Variants in CREBBP observed in about 807,000 individuals in gnomAD.
CREBBP encodes CREB-binding protein.
CREBBP carries 19 observed loss-of-function variants against 265.0 expected under a neutral mutation model. The ratio of observed to expected loss-of-function variants is 0.07; its 90% confidence interval spans 0.05 to 0.11. The LOEUF is 0.11. Ranked by LOEUF, CREBBP falls within the 10% of genes least tolerant of loss-of-function variation. The pLI is 1.00. For synonymous variants in CREBBP, 1,457 were observed against 1,223.7 expected (o/e 1.19, Z -3.98); for missense variants, 2,525 against 3,219.0 (o/e 0.78, Z 5.22).
chr16:3,827,623 C>T (rs1057291799), intron 2 of CREBBP, among the ~76,000 whole-genome samples: 1 of 152,158 alleles, frequency 6.6e-6, no homozygotes, highest in African/African-American at 2.4e-5. Flanking sequence ...GATCTCCTGA[C>T]CTCGTGATCC....
chr16:3,769,089 C>A, intron 15 of CREBBP, 85 bp downstream of exon 15: 2 of 1,470,982 alleles, frequency 1.4e-6, no homozygotes, highest in Non-Finnish European at 1.9e-6. Context: ...TCAGGGATAC[C>A]CATGGCAGGC....
At chr16:3,793,364 G>C (rs375213104) in intron 4 of CREBBP, 22 bp downstream of exon 4, 69 of 1,613,506 alleles carry the variant, frequency 4.3e-5, no homozygotes, top group Non-Finnish European at 5.1e-6. Context: ...CTACCACTAG[G>C]AGTTCCAAAA....
At position 3,725,425 on chromosome 16, in the gene CREBBP, G is replaced by A. The variant is rs539938276; in HGVS notation, c.*2293C>T. ...GGAGGGCGCCACTTTCTGAGTGTGG[G>A]CTTAGAGCTGCTGCTCTCGGGCTCT... On this transcript the variant is annotated 3_prime_UTR_variant, in exon 31 of 31. Transcript: ENST00000262367. 7 of 233,270 alleles carry A rather than the reference G, an allele frequency of 3.0e-5. No individual in the cohort carries two copies. The South Asian group carries it at 1.3e-3, about 42-fold the overall frequency. 14.5% of individuals were successfully genotyped at this position (233,270 alleles called of 1,614,324 possible). A position where few individuals can be genotyped will look rare whatever the true frequency, so the allele number is the denominator to read the frequency against.
chr16:3,787,938 A>G (rs1023107821), intron 5 of CREBBP, among the ~76,000 whole-genome samples: 2 of 152,192 alleles, frequency 1.3e-5, no homozygotes, highest in Non-Finnish European at 2.9e-5. Flanking sequence ...TCAGCCTCCC[A>G]AAGTGCAAGG....
intron 16 of CREBBP, among the ~76,000 whole-genome samples, chr16:3,759,689 G>A (rs1440140860): frequency 6.6e-6 from 1 of 152,138 alleles, no homozygotes; most frequent in Non-Finnish European, 1.5e-5. Context: ...GAGACAAACG[G>A]TTTTGAATCT....
intron 23 of CREBBP, chr16:3,740,819 T>C: frequency 2.1e-6 from 1 of 484,168 alleles, no homozygotes; most frequent in East Asian, 4.1e-5. Context: ...GCAGAAGACC[T>C]ATAGCGGTGG....
At chr16:3,805,737 G>C (rs1266957512) in intron 3 of CREBBP, among the ~76,000 whole-genome samples, 1 of 152,180 alleles carries the variant, frequency 6.6e-6, no homozygotes, top group East Asian at 1.9e-4. Context: ...AACAAAGTAA[G>C]TCCACTCCAC....
Position 3,853,503 on chromosome 16 carries a change from T to C in CREBBP, c.86-2494A>G, listed in dbSNP as rs933812569. On this transcript the variant is annotated intron_variant, in intron 1 of 30. Coordinates refer to ENST00000262367, the MANE Select transcript of CREBBP (RefSeq NM_004380.3). The stretch of plus-strand genomic sequence containing the variant: ...CAGGCACCTGTAGTCCCAGCTACTC[T>C]GGAGGCTGAGGCAGGAGAATGGCGT... 5.3e-5 allele frequency among the ~76,000 whole-genome samples: 8 copies of C among 151,456 alleles called. No individual in the cohort carries two copies. In the East Asian group the frequency reaches 1.6e-3, roughly 29 times the overall value.
At chr16:3,744,832 G>A in intron 23 of CREBBP, 62 bp downstream of exon 23, 4 of 1,277,832 alleles carry the variant, frequency 3.1e-6, no homozygotes, top group Non-Finnish European at 3.4e-6. Context: ...GAACAATGGG[G>A]ACAATTTCTA....
intron 2 of CREBBP, among the ~76,000 whole-genome samples, chr16:3,821,126 T>C (rs2054133830): frequency 6.6e-6 from 1 of 152,232 alleles, no homozygotes; most frequent in South Asian, 2.1e-4. Flanking sequence ...TCCCTCAGTT[T>C]TCCTTATCTA....
intron 24 of CREBBP, 138 bp from the exon 25 acceptor site, chr16:3,739,862 T>C (rs912841810): frequency 1.2e-5 from 15 of 1,212,952 alleles, no homozygotes; most frequent in Non-Finnish European, 1.7e-5. Context: ...TGGCCTGGAG[T>C]CCTCCCTATG....
chr16:3,796,893 G>T (rs942741395), intron 3 of CREBBP, among the ~76,000 whole-genome samples: 1 of 152,308 alleles, frequency 6.6e-6, no homozygotes, highest in African/African-American at 2.4e-5. Context: ...CAGTGGAATG[G>T]AAAATGTCTT....
At chr16:3,843,061 C>T (rs989801557) in intron 2 of CREBBP, among the ~76,000 whole-genome samples, 55 of 149,814 alleles carry the variant, frequency 3.7e-4, no homozygotes, top group Non-Finnish European at 1.3e-4. Flanking sequence ...CATTTTTGCA[C>T]AGCTTTAAGT....
intron 22 of CREBBP, 66 bp from the exon 23 acceptor site, chr16:3,745,027 C>T: frequency 8.3e-7 from 1 of 1,199,166 alleles, no homozygotes; most frequent in Admixed American, 1.7e-5. Flanking sequence ...CAACAAAATG[C>T]AGCATTCAGA....
intron 1 of CREBBP, among the ~76,000 whole-genome samples, chr16:3,855,553 T>C (rs11864939): frequency 0.012 from 1,853 of 152,284 alleles, 38 homozygotes; most frequent in African/African-American, 0.042. Context: ...GCGTGAGCCA[T>C]TGCACCCGGC....
chr16:3,757,704 C>A, intron 18 of CREBBP, 105 bp downstream of exon 18: 1 of 1,492,088 alleles, frequency 6.7e-7, no homozygotes, highest in Non-Finnish European at 9.2e-7. Flanking sequence ...CAGCAGATTG[C>A]ACATATGCAC....
chr16:3,799,908 T>G (rs1596962173), intron 3 of CREBBP, among the ~76,000 whole-genome samples: 1 of 152,198 alleles, frequency 6.6e-6, no homozygotes, highest in East Asian at 1.9e-4. Flanking sequence ...TTTAAGTGAC[T>G]ACTATTTTAA....
chr16:3,800,465 A>G (rs1412859535), intron 3 of CREBBP, among the ~76,000 whole-genome samples: 1 of 152,080 alleles, frequency 6.6e-6, no homozygotes, highest in South Asian at 2.1e-4. Context: ...TTTTCCCCTA[A>G]GAGACGAGCC....
intron 1 of CREBBP, among the ~76,000 whole-genome samples, chr16:3,864,062 C>T (rs1473929133): frequency 1.3e-4 from 20 of 152,322 alleles, no homozygotes; most frequent in Non-Finnish European, 1.0e-4. Context: ...AATGTGGGGG[C>T]TGAGCTAGGA....
Sources: gnomAD v4.1 joint callset for allele counts (sites outside exome capture counted in the v4.1 genomes callset) on GRCh38, gnomAD v4.1.1 for gene constraint, MANE v1.5 for transcripts, NCBI Gene and HGNC (gene_info 2026-07-23, HGNC 2026-07-21) for gene names.